The following HDAC9 variants were observed in gnomAD, a reference collection of about 807,000 sequenced individuals.
The protein encoded by HDAC9 is MEF-2 interacting transcription repressor (MITR) protein.
Under a neutral mutation model 139.4 loss-of-function variants are expected in HDAC9, and 41 were observed. The ratio of observed to expected loss-of-function variants is 0.29; its 90% CI spans 0.23 to 0.38. The LOEUF (loss-of-function observed/expected upper bound fraction) is 0.38, where lower values mean the gene tolerates loss of function less well. HDAC9 is among the 10% of genes least tolerant of loss of function. HDAC9 has a pLI of 1.00. For synonymous variants in HDAC9, 517 were observed against 476.2 expected, an observed-to-expected ratio of 1.09 and a Z score of -1.12; for missense variants, 1,147 against 1,297.0, an observed-to-expected ratio of 0.88 and a Z score of 1.78.
At chr7:18,714,267 A>G (rs1784548078) in intron 12 of HDAC9, among the ~76,000 whole-genome samples, 1 of 152,220 alleles carries the variant, frequency 6.6e-6, no homozygotes, top group African/African-American at 2.4e-5. Flanking sequence ...ACTCTACGCA[A>G]AACATAGGTT....
chr7:18,216,108 G>C (rs1192445922), intron 2 of HDAC9, among the ~76,000 whole-genome samples: 1 of 34,066 alleles, frequency 2.9e-5, no homozygotes, highest in East Asian at 7.0e-4. Flanking sequence ...CTGCGTGTCT[G>C]TGTGTGTGTG....
At chr7:18,362,744 A>G (rs774293155) in intron 1 of HDAC9, among the ~76,000 whole-genome samples, 8 of 152,204 alleles carry the variant, frequency 5.3e-5, no homozygotes, top group Non-Finnish European at 1.0e-4. Flanking sequence ...TAAATTTCAT[A>G]TACTGGCTTT....
intron 2 of HDAC9, among the ~76,000 whole-genome samples, chr7:18,526,339 A>G (rs1806906887): frequency 6.6e-6 from 1 of 152,198 alleles, no homozygotes; most frequent in Non-Finnish European, 1.5e-5. Context: ...AAAGTAAACT[A>G]TTAGAAATTA....
At chr7:18,995,724 C>T (rs1283791491) in intron 25 of HDAC9, among the ~76,000 whole-genome samples, 3 of 151,990 alleles carry the variant, frequency 2.0e-5, no homozygotes, top group Non-Finnish European at 2.9e-5. Flanking sequence ...TTAATTTTTT[C>T]AATAAATTAT....
At chr7:18,204,391 T>C (rs1791352013) in intron 2 of HDAC9, among the ~76,000 whole-genome samples, 1 of 151,370 alleles carries the variant, frequency 6.6e-6, no homozygotes, top group Non-Finnish European at 1.5e-5. Context: ...CCTGATGTTA[T>C]TAGGTTAAAG....
intron 11 of HDAC9, among the ~76,000 whole-genome samples, chr7:18,661,874 T>C (rs138752024): frequency 1.3e-3 from 195 of 152,260 alleles, no homozygotes; most frequent in Middle Eastern, 0.01. Flanking sequence ...ATATCAAAAA[T>C]TGTTATATAT....
chr7:18,973,085 C>T (rs11975907), intron 24 of HDAC9, among the ~76,000 whole-genome samples: 3,041 of 152,256 alleles, frequency 0.02, 97 homozygotes, highest in African/African-American at 0.07. Context: ...ATTTTAGCTC[C>T]TCTGCCTATT....
intron 1 of HDAC9, among the ~76,000 whole-genome samples, chr7:18,137,515 G>C: frequency 6.6e-6 from 1 of 151,950 alleles, no homozygotes; most frequent in Admixed American, 6.6e-5. Flanking sequence ...TTAGCATGAA[G>C]GGTTGTTGAA....
intron 1 of HDAC9, among the ~76,000 whole-genome samples, chr7:18,125,176 G>A (rs1784579868): frequency 6.6e-6 from 1 of 151,994 alleles, no homozygotes; most frequent in Non-Finnish European, 1.5e-5. Flanking sequence ...GGGGAATGAG[G>A]GTACCCCCCC....
intron 18 of HDAC9, 35 bp downstream of exon 18, chr7:18,829,251 C>T (rs767853458): frequency 6.5e-7 from 1 of 1,547,226 alleles, no homozygotes; most frequent in Non-Finnish European, 8.9e-7. Context: ...TCTCCAAGCA[C>T]CACGGTTCCT....
intron 22 of HDAC9, among the ~76,000 whole-genome samples, chr7:18,912,250 C>T (rs1211055576): frequency 4.6e-5 from 7 of 152,016 alleles, no homozygotes; most frequent in East Asian, 1.9e-4. Context: ...TATAGATGAG[C>T]GAGCTTTAGG....
chr7:18,696,265 T>C (rs1783035120), intron 12 of HDAC9, among the ~76,000 whole-genome samples: 1 of 151,040 alleles, frequency 6.6e-6, no homozygotes, highest in Admixed American at 6.6e-5. Context: ...TTAAATTATC[T>C]TAAATGTTGT....
intron 2 of HDAC9, among the ~76,000 whole-genome samples, chr7:18,563,379 C>T (rs1295206034): frequency 6.6e-6 from 1 of 151,750 alleles, no homozygotes; most frequent in Admixed American, 6.6e-5. Context: ...ATATATAAGC[C>T]TCCTCCAAAA....
chr7:18,738,951 G>T (rs974151115), intron 13 of HDAC9, among the ~76,000 whole-genome samples: 4 of 152,138 alleles, frequency 2.6e-5, no homozygotes, highest in Non-Finnish European at 4.4e-5. Flanking sequence ...TGCAGGCTTT[G>T]TTCATTTCTT....
At chr7:18,575,698 A>G (rs1825757637) in intron 2 of HDAC9, among the ~76,000 whole-genome samples, 1 of 152,262 alleles carries the variant, frequency 6.6e-6, no homozygotes, top group South Asian at 2.1e-4. Flanking sequence ...AAAACAGCAT[A>G]TATTTGTAAT....
At chr7:18,297,031 C>T (rs545488231) in intron 1 of HDAC9, among the ~76,000 whole-genome samples, 1 of 152,248 alleles carries the variant, frequency 6.6e-6, no homozygotes, top group Non-Finnish European at 1.5e-5. Context: ...CTTGCTCTGT[C>T]TGGGCAATTC....
intron 2 of HDAC9, among the ~76,000 whole-genome samples, chr7:18,164,117 A>G (rs73315798): frequency 0.024 from 3,641 of 152,328 alleles, 150 homozygotes; most frequent in African/African-American, 0.082. Flanking sequence ...TGACAATAAC[A>G]TTATGCAGAA....
chr7:18,977,915 G>GACAC (rs1234499048), intron 25 of HDAC9, among the ~76,000 whole-genome samples: 27 of 103,214 alleles, frequency 2.6e-4, no homozygotes, highest in African/African-American at 6.0e-4. Flanking sequence ...GAGACAGACA[G>GACAC]ACAGACACAC....
At chr7:18,244,779 C>T (rs1055533668) in intron 2 of HDAC9, among the ~76,000 whole-genome samples, 1 of 151,620 alleles carries the variant, frequency 6.6e-6, no homozygotes, top group Non-Finnish European at 1.5e-5. Flanking sequence ...GCCTGTGCGA[C>T]AGAGTGAGAG....
Sources: gnomAD v4.1 joint callset for allele counts (sites outside exome capture counted in the v4.1 genomes callset) on GRCh38, gnomAD v4.1.1 for gene constraint, MANE v1.5 for transcripts, NCBI Gene and HGNC (gene_info 2026-07-23, HGNC 2026-07-21) for gene names.